The following NR1D2 variants were observed in gnomAD, a reference collection of about 807,000 sequenced individuals.
The protein encoded by NR1D2 is nuclear receptor subfamily 1 group D member 2, also known as V-erbA-related protein 1-related.
NR1D2 carries 25 observed loss-of-function variants against 52.2 expected under a neutral mutation model. The ratio of observed to expected loss-of-function variants is 0.48; its 90% CI spans 0.35 to 0.67. NR1D2 has a LOEUF of 0.67. Ranked by LOEUF, NR1D2 falls within the 30% of genes least tolerant of loss-of-function variation. The pLI is 0.01. For missense variants in NR1D2, 681 were observed against 707.2 expected (o/e 0.96, Z 0.42); for synonymous variants, 259 against 230.1 (o/e 1.13, Z -1.14).
chr3:23,967,543 G>A (rs1279916935), intron 6 of NR1D2, among the ~76,000 whole-genome samples: 1 of 152,146 alleles, frequency 6.6e-6, no homozygotes, highest in Non-Finnish European at 1.5e-5. Flanking sequence ...TTGAACCCGG[G>A]AGGCGGAGGT....
intron 1 of NR1D2, among the ~76,000 whole-genome samples, chr3:23,952,222 TA>T (rs1383553631): frequency 1.3e-5 from 2 of 152,106 alleles, no homozygotes; most frequent in Non-Finnish European, 1.5e-5. Flanking sequence ...ATTGCAGGAT[TA>T]ATTAAGGTGA....
At chr3:23,965,582 G>A (rs965259276) in intron 6 of NR1D2, among the ~76,000 whole-genome samples, 3 of 151,992 alleles carry the variant, frequency 2.0e-5, no homozygotes, top group African/African-American at 7.2e-5. Flanking sequence ...AGTATTTATA[G>A]TCCAGAGTCT....
In NR1D2 at chr3:23,950,998, C is replaced by G. The variant is rs182007318; in HGVS notation, c.17-3539C>G. On this transcript the variant is annotated intron_variant, in intron 1 of 7. Coordinates refer to ENST00000312521, the MANE Select transcript of NR1D2 (RefSeq NM_005126.5). ...TCGGCTCACCGCAACCTCCGCCTCC[C>G]GGGTTCAAGTGATTCTCCTGTCTCA... is the stretch of plus-strand genomic sequence containing the variant. 3.5e-3 allele frequency among the ~76,000 whole-genome samples: 535 copies of G among 151,214 alleles called. 14 individuals are homozygous for G. In the East Asian group the frequency reaches 0.05, roughly 14 times the overall value.
At chr3:23,949,191 C>T (rs1705859289) in intron 1 of NR1D2, among the ~76,000 whole-genome samples, 1 of 152,012 alleles carries the variant, frequency 6.6e-6, no homozygotes, top group African/African-American at 2.4e-5. Flanking sequence ...CATGTGAAAC[C>T]CTGTCTCTAC....
chr3:23,948,610 T>C (rs1208843540), intron 1 of NR1D2, among the ~76,000 whole-genome samples: 1 of 152,180 alleles, frequency 6.6e-6, no homozygotes, highest in Admixed American at 6.5e-5. Flanking sequence ...TCTTACTCTG[T>C]GCCAGGCCTT....
At chr3:23,965,847 TAAG>T (rs1385884398) in intron 6 of NR1D2, among the ~76,000 whole-genome samples, 1 of 152,226 alleles carries the variant, frequency 6.6e-6, no homozygotes, top group Non-Finnish European at 1.5e-5. Context: ...CGATACAGAA[TAAG>T]AAGGGCAAAT....
At chr3:23,968,782 T>C (rs1272191033) in intron 7 of NR1D2, among the ~76,000 whole-genome samples, 3 of 152,218 alleles carry the variant, frequency 2.0e-5, no homozygotes, top group African/African-American at 7.2e-5. Context: ...GAAATTGAGG[T>C]ACTTTCCTGG....
chr3:23,955,951 G>A lies in NR1D2; in HGVS notation c.284-86G>A, dbSNP rs61556088. On this transcript the variant is annotated intron_variant, in intron 2 of 7. Transcript: ENST00000312521. ...GTGTATCTTCTAAAAGCTCTTACAC[G>A]TTGAATGAAATAAAATATCTAATTG... The A allele has an allele frequency of 6.2e-3, 5,717 of 915,296 alleles. 161 individuals are homozygous for A. Among genetic ancestry groups the A allele is most frequent in the East Asian group, 0.059 (2,437 of 41,222 alleles). The allele number at this position is 915,296 out of a possible 1,614,324, so 56.7% of individuals were successfully genotyped here.
At chr3:23,965,264 G>C (rs543298419) in intron 6 of NR1D2, 102 bp downstream of exon 6, 5 of 794,892 alleles carry the variant, frequency 6.3e-6, no homozygotes, top group African/African-American at 2.3e-5. Context: ...TTTTGAGACA[G>C]AATCCTGCTC....
rs773037418 is a variant in NR1D2 at position 23,954,746 on chromosome 3, A to G, written c.226A>G (p.Met76Val). The G allele has an allele frequency of 3.7e-6, 6 of 1,613,952 alleles. No homozygotes were observed. The East Asian group carries it at 6.7e-5, about 18-fold the overall frequency. ...GAAGAATGATCGAATAGATTGTTCT[A>G]TGAAAACAAGCAAATCGAGTGCACC... ...ILKNDRIDCS[M>V]KTSKSSAPGM... Residue 76 changes from methionine (M) to valine (V), a missense_variant, in exon 2 of 8, where the codon ATG becomes GTG. Met to Val is a conservative substitution (Grantham distance 21). This residue lies in a region of NR1D2 where 94 missense variants were observed against 90.4 expected (regional missense o/e 1.04). Transcript: ENST00000312521.
chr3:23,949,539 T>A (rs542475955), intron 1 of NR1D2, among the ~76,000 whole-genome samples: 3 of 147,870 alleles, frequency 2.0e-5, no homozygotes, highest in South Asian at 4.2e-4. Flanking sequence ...GTCACAATCA[T>A]GTGTGTGAAA....
At chr3:23,963,194 T>C in intron 5 of NR1D2, 2 of 1,098,048 alleles carry the variant, frequency 1.8e-6, no homozygotes, top group Non-Finnish European at 2.5e-6. Context: ...TTTTCTATTT[T>C]TCCATCAAAT....
intron 6 of NR1D2, among the ~76,000 whole-genome samples, chr3:23,966,762 G>C (rs1056204803): frequency 6.6e-6 from 1 of 152,200 alleles, no homozygotes; most frequent in Non-Finnish European, 1.5e-5. Context: ...GGGTGCAGTG[G>C]CTCATGCTTG....
chr3:23,967,457 A>G (rs925098499), intron 6 of NR1D2, among the ~76,000 whole-genome samples: 14 of 151,648 alleles, frequency 9.2e-5, no homozygotes, highest in African/African-American at 3.2e-4. Context: ...TCTACTAAAA[A>G]TAGCAAAAAT....
intron 1 of NR1D2, chr3:23,946,133 G>T: frequency 2.0e-6 from 2 of 984,632 alleles, no homozygotes; most frequent in Non-Finnish European, 2.4e-6. Context: ...CTCCTCCCCC[G>T]CGGGGTTGCA....
rs937865600 is a variant in NR1D2 at position 23,967,644 on chromosome 3, TATAGA to T, written c.1333-153_1333-149del. The stretch of plus-strand genomic sequence containing the variant: ...AAATAGAATAGAATAGAATATAGAA[TATAGA>T]ATAGAATAGAATAGAGTGGTTTTGA... On this transcript the variant is annotated intron_variant, in intron 6 of 7. Transcript: ENST00000312521. Among the ~76,000 whole-genome samples, 189 of 152,144 alleles carry T rather than the reference TATAGA, an allele frequency of 1.2e-3. 2 individuals carry two copies. The highest frequency in any genetic ancestry group is 4.1e-3 in the African/African-American group (172 of 41,502).
At position 23,963,174 on chromosome 3, in the gene NR1D2, T is replaced by A. The variant is rs1289562206; in HGVS notation, c.1146+569T>A. 7 of 856,158 alleles carry A rather than the reference T, an allele frequency of 8.2e-6. No individual in the cohort carries two copies. In the African/African-American group the frequency reaches 1.2e-4, roughly 15 times the overall value. The allele number at this position is 856,158 out of a possible 1,614,324, so 53.0% of individuals were successfully genotyped here. The stretch of plus-strand genomic sequence containing the variant: ...ATGAGATGACTTAATGTTGGTCATA[T>A]CATTGAAGCTTTTCTATTTTTCCAT... On this transcript the variant is annotated intron_variant, in intron 5 of 7. Transcript: ENST00000312521.
In NR1D2 at chr3:23,962,619, G is replaced by T; in HGVS notation, c.1146+14G>T. ...AGAATGCATCTGGTATAGTGAAATC[G>T]ATTTTTTGCTTACATTGTATCAGGG... On this transcript the variant is annotated intron_variant, in intron 5 of 7. Coordinates refer to ENST00000312521, the MANE Select transcript of NR1D2 (RefSeq NM_005126.5). The T allele has an allele frequency of 6.4e-7, 1 of 1,562,122 alleles. No homozygotes were observed. The highest frequency in any genetic ancestry group is 1.2e-5 in the South Asian group (1 of 84,344).
At chr3:23,972,721 G>T (rs1706622449) in intron 7 of NR1D2, among the ~76,000 whole-genome samples, 1 of 152,150 alleles carries the variant, frequency 6.6e-6, no homozygotes, top group Non-Finnish European at 1.5e-5. Context: ...ATTAAACTCT[G>T]CAGTACTAGT....
Sources: gnomAD v4.1 joint callset for allele counts (sites outside exome capture counted in the v4.1 genomes callset) on GRCh38, gnomAD v4.1.1 for gene constraint, gnomAD v4.1.1 regional missense constraint, MANE v1.5 for transcripts, NCBI Gene and HGNC (gene_info 2026-07-23, HGNC 2026-07-21) for gene names.